The following CNBD2 variants were observed in gnomAD, a reference collection of about 807,000 sequenced individuals.
The protein encoded by CNBD2 is cyclic nucleotide-binding domain-containing protein 2.
In CNBD2, 64 loss-of-function variants were observed where a neutral mutation model predicts 63.7. That is an observed-to-expected ratio of 1.00 (90% confidence interval 0.82 to 1.24). The LOEUF (loss-of-function observed/expected upper bound fraction) is 1.24. Ranked by LOEUF, CNBD2 falls within the 50% of genes most tolerant of loss-of-function variation. CNBD2 has a pLI of 0.00. For synonymous variants in CNBD2, 229 were observed against 255.4 expected (o/e 0.90, Z 0.99); for missense variants, 691 against 713.5 (o/e 0.97, Z 0.36).
At chr20:36,001,739 C>T (rs1256525389) in intron 8 of CNBD2, among the ~76,000 whole-genome samples, 107 of 149,748 alleles carry the variant, frequency 7.1e-4, no homozygotes, top group African/African-American at 2.5e-3. Flanking sequence ...CGGGTAGAGG[C>T]GCTCCTCACA....
At chr20:36,019,529 G>GAAAAAAAAAAA (rs60556168) in intron 10 of CNBD2, among the ~76,000 whole-genome samples, 8 of 71,702 alleles carry the variant, frequency 1.1e-4, no homozygotes, top group Admixed American at 1.8e-4. Flanking sequence ...CTCAAAAAAA[G>GAAAAAAAAAAA]AAAAAAAAAA....
At chr20:36,018,202 G>C in intron 10 of CNBD2, among the ~76,000 whole-genome samples, 1 of 152,172 alleles carries the variant, frequency 6.6e-6, no homozygotes, top group East Asian at 1.9e-4. Context: ...GCCTGGGCAG[G>C]ATGGAGGCAC....
At chr20:35,989,382 G>A (rs2056711608) in intron 7 of CNBD2, among the ~76,000 whole-genome samples, 3 of 152,254 alleles carry the variant, frequency 2.0e-5, no homozygotes, top group South Asian at 2.1e-4. Flanking sequence ...TCTCTTTATA[G>A]ATCTCCTCCA....
upstream of CNBD2, among the ~76,000 whole-genome samples, chr20:35,964,284 G>A (rs890214445): frequency 1.2e-4 from 18 of 151,888 alleles, no homozygotes; most frequent in East Asian, 1.9e-4. Flanking sequence ...GGGTTCAAGC[G>A]ATTCTCCTGT....
At chr20:35,955,303 A>G (rs1386949645) in exon 1 of CNBD2, 1 of 152,276 alleles carries the variant, frequency 6.6e-6, no homozygotes, top group Non-Finnish European at 1.5e-5. Context: ...ACTTTTTAAT[A>G]CTGATTACAT....
intron 2 of CNBD2, chr20:35,972,996 C>T (rs1601016204): frequency 1.8e-6 from 1 of 550,294 alleles, no homozygotes; most frequent in Non-Finnish European, 3.2e-6. Context: ...CCTTACATGC[C>T]TAGCCACAGG....
At chr20:35,983,199 C>T (rs1232487087) in intron 4 of CNBD2, among the ~76,000 whole-genome samples, 1 of 147,632 alleles carries the variant, frequency 6.8e-6, no homozygotes, top group African/African-American at 2.5e-5. Flanking sequence ...AACTCCTAGG[C>T]TCAAATGATC....
At chr20:35,976,082 C>T (rs1222450787) in intron 3 of CNBD2, 80 bp downstream of exon 3, 3 of 1,316,730 alleles carry the variant, frequency 2.3e-6, no homozygotes, top group Non-Finnish European at 2.2e-6. Flanking sequence ...TGGGTATCAG[C>T]AGAGCTGGTT....
intron 1 of CNBD2, among the ~76,000 whole-genome samples, chr20:35,970,856 C>T (rs2056403531): frequency 6.6e-6 from 1 of 152,252 alleles, no homozygotes; most frequent in Non-Finnish European, 1.5e-5. Flanking sequence ...GCTGGGACTA[C>T]AGGCGAGTGC....
Position 35,972,677 on chromosome 20 carries a change from A to G in CNBD2, c.100A>G (p.Lys34Glu), listed in dbSNP as rs569010327. ...TATCATCATAATGATCCGAGTGTGT[A>G]AAATGTTCCGCCAAGGCCTCAGGGG... ...MDIIIMIRVC[K>E]MFRQGLRGFR... Residue 34 changes from lysine to glutamate, a missense_variant, in exon 2 of 12, where the codon AAA (lysine) becomes GAA (glutamate). Physicochemically the swap from Lys to Glu is moderately conservative, Grantham distance 56. Coordinates refer to ENST00000373973, the MANE Select transcript of CNBD2 (RefSeq NM_001365709.1). The G allele has an allele frequency of 6.2e-7, 1 of 1,614,022 alleles. No individual in the cohort carries two copies. The highest frequency in any genetic ancestry group is 8.5e-7 in the Non-Finnish European group (1 of 1,179,890).
intron 10 of CNBD2, among the ~76,000 whole-genome samples, chr20:36,019,278 C>G (rs2057175463): frequency 6.6e-6 from 1 of 151,984 alleles, no homozygotes; most frequent in Non-Finnish European, 1.5e-5. Flanking sequence ...GTAATCCCAG[C>G]ACTTTGGGAG....
chr20:35,977,014 A>C (rs2056530011), intron 3 of CNBD2, among the ~76,000 whole-genome samples: 1 of 152,112 alleles, frequency 6.6e-6, no homozygotes, highest in South Asian at 2.1e-4. Flanking sequence ...AAGCATACTC[A>C]GTTAAGTCAT....
At chr20:36,022,924 G>A (rs1269999415) in intron 10 of CNBD2, among the ~76,000 whole-genome samples, 3 of 152,122 alleles carry the variant, frequency 2.0e-5, no homozygotes, top group African/African-American at 4.8e-5. Flanking sequence ...CTGGTGCCTA[G>A]CTGTTTGATT....
intron 10 of CNBD2, among the ~76,000 whole-genome samples, chr20:36,020,306 C>A (rs573971934): frequency 9.2e-5 from 14 of 152,234 alleles, no homozygotes; most frequent in African/African-American, 3.1e-4. Flanking sequence ...TGGTCTCGAT[C>A]TCCTGACCTC....
intron 10 of CNBD2, among the ~76,000 whole-genome samples, chr20:36,013,434 A>AAAAAGAT (rs1195107589): frequency 1.3e-5 from 2 of 152,172 alleles, no homozygotes; most frequent in African/African-American, 4.8e-5. Flanking sequence ...AGAAAAAAGA[A>AAAAAGAT]AAAAATCATC....
At chr20:35,992,425 G>A (rs868692000) in intron 7 of CNBD2, among the ~76,000 whole-genome samples, 67 of 152,188 alleles carry the variant, frequency 4.4e-4, no homozygotes, top group Non-Finnish European at 1.2e-4. Flanking sequence ...CACATAGGGT[G>A]CTTTTTAAAA....
intron 7 of CNBD2, among the ~76,000 whole-genome samples, chr20:35,991,003 C>T (rs1410267286): frequency 6.6e-6 from 1 of 152,166 alleles, no homozygotes; most frequent in East Asian, 1.9e-4. Context: ...TACCATTGAA[C>T]AAATGAAGTT....
At chr20:35,987,086 A>G (rs528843659) in intron 6 of CNBD2, among the ~76,000 whole-genome samples, 267 of 152,130 alleles carry the variant, frequency 1.8e-3, no homozygotes, top group African/African-American at 6.3e-3. Context: ...GGGCTGGAGG[A>G]GGAGAAGATT....
At chr20:35,959,652 A>G (rs1384570873), downstream of CNBD2, among the ~76,000 whole-genome samples, 4 of 152,230 alleles carry the variant, frequency 2.6e-5, no homozygotes, top group Admixed American at 6.5e-5. Context: ...TATGAGAGCT[A>G]CAATTCAAGA....
Sources: gnomAD v4.1 joint callset for allele counts (sites outside exome capture counted in the v4.1 genomes callset) on GRCh38, gnomAD v4.1.1 for gene constraint, MANE v1.5 for transcripts, NCBI Gene and HGNC (gene_info 2026-07-23, HGNC 2026-07-21) for gene names.